CPA6: variants seen among roughly 807,000 people sequenced by gnomAD.
CPA6 encodes carboxypeptidase A6, also known as carboxypeptidase B.
CPA6 carries 58 observed loss-of-function variants against 63.3 expected under a neutral mutation model. The observed-to-expected ratio is 0.92, with a 90% CI of 0.74 to 1.14. The LOEUF (loss-of-function observed/expected upper bound fraction) is 1.14. CPA6 is among the 50% of genes most tolerant of loss of function. The pLI is 0.00. For synonymous variants in CPA6, 185 were observed against 179.0 expected, an observed-to-expected ratio of 1.03 and a Z score of -0.27; for missense variants, 565 against 526.6, an observed-to-expected ratio of 1.07 and a Z score of -0.71.
chr8:67,707,071 A>T (rs1817152163), intron 1 of CPA6, among the ~76,000 whole-genome samples: 1 of 152,188 alleles, frequency 6.6e-6, no homozygotes, highest in African/African-American at 2.4e-5. Context: ...TGGCTTGCTT[A>T]AGACTTTTTG....
intron 2 of CPA6, among the ~76,000 whole-genome samples, chr8:67,552,497 G>A (rs1812961305): frequency 6.6e-6 from 1 of 152,134 alleles, no homozygotes. Flanking sequence ...ATGATGGCCG[G>A]GCACGGTGGC....
At chr8:67,645,195 C>T (rs1467923951) in intron 1 of CPA6, among the ~76,000 whole-genome samples, 3 of 152,150 alleles carry the variant, frequency 2.0e-5, no homozygotes, top group Non-Finnish European at 4.4e-5. Context: ...TATATCACAT[C>T]AGATCGTAAG....
chr8:67,510,315 G>T (rs1203967611), intron 4 of CPA6, among the ~76,000 whole-genome samples: 2 of 152,040 alleles, frequency 1.3e-5, no homozygotes, highest in African/African-American at 4.8e-5. Context: ...GGTATAAAAG[G>T]ATCAGTGCTG....
chr8:67,543,976 TAG>T (rs1364229842), intron 2 of CPA6, among the ~76,000 whole-genome samples: 1 of 151,944 alleles, frequency 6.6e-6, no homozygotes, highest in Non-Finnish European at 1.5e-5. Context: ...CTTGTAGAGA[TAG>T]AGTCTTTCTC....
chr8:67,552,789 AAAAAAAAAAAAAG>A (rs1563997422), intron 2 of CPA6, among the ~76,000 whole-genome samples: 1 of 149,648 alleles, frequency 6.7e-6, no homozygotes, highest in Admixed American at 6.6e-5. Flanking sequence ...AAAAAAAAAA[AAAAAAAAAAAAAG>A]AAAAGAAAAG....
chr8:67,527,185 G>T (rs1812381254), intron 2 of CPA6, among the ~76,000 whole-genome samples: 1 of 152,186 alleles, frequency 6.6e-6, no homozygotes, highest in Non-Finnish European at 1.5e-5. Flanking sequence ...ACCTCTCCAT[G>T]ATATTTGATC....
chr8:67,643,701 A>G, intron 1 of CPA6, among the ~76,000 whole-genome samples: 1 of 152,228 alleles, frequency 6.6e-6, no homozygotes, highest in South Asian at 2.1e-4. Context: ...AGTGGTGGAC[A>G]TATAGGTGTT....
At chr8:67,455,405 TA>T (rs909816441) in intron 8 of CPA6, among the ~76,000 whole-genome samples, 46 of 151,360 alleles carry the variant, frequency 3.0e-4, no homozygotes, top group African/African-American at 1.0e-3. Context: ...ATTACTTAAC[TA>T]AAAAAAATGG....
At chr8:67,436,519 G>T (rs999969771) in intron 8 of CPA6, among the ~76,000 whole-genome samples, 1 of 151,942 alleles carries the variant, frequency 6.6e-6, no homozygotes, top group Non-Finnish European at 1.5e-5. Flanking sequence ...GAACATAAAG[G>T]CAGGCCAGAA....
At chr8:67,548,869 G>A (rs1471398275) in intron 2 of CPA6, among the ~76,000 whole-genome samples, 1 of 152,176 alleles carries the variant, frequency 6.6e-6, no homozygotes, top group Non-Finnish European at 1.5e-5. Context: ...CAGTTCCAGA[G>A]ATTAGTCGAG....
At chr8:67,459,053 AG>A (rs1322295075) in intron 8 of CPA6, among the ~76,000 whole-genome samples, 2 of 152,250 alleles carry the variant, frequency 1.3e-5, no homozygotes, top group Non-Finnish European at 2.9e-5. Context: ...ATTTATTTAA[AG>A]GAGTTGAAAA....
At chr8:67,495,111 A>G (rs1811681967) in intron 6 of CPA6, among the ~76,000 whole-genome samples, 1 of 152,102 alleles carries the variant, frequency 6.6e-6, no homozygotes, top group South Asian at 2.1e-4. Context: ...TTGCTGAATA[A>G]ATTAATCATT....
chr8:67,636,091 G>A (rs1815462929), intron 1 of CPA6, among the ~76,000 whole-genome samples: 1 of 151,516 alleles, frequency 6.6e-6, no homozygotes, highest in Non-Finnish European at 1.5e-5. Context: ...TTGGTTTGGG[G>A]GTAGATGTGT....
At chr8:67,468,019 C>T (rs1810968627) in intron 8 of CPA6, among the ~76,000 whole-genome samples, 2 of 151,370 alleles carry the variant, frequency 1.3e-5, no homozygotes, top group Admixed American at 6.6e-5. Flanking sequence ...GATCATGCCA[C>T]TGCACTCCAG....
At chr8:67,518,893 T>C (rs910477729) in intron 2 of CPA6, among the ~76,000 whole-genome samples, 5 of 152,150 alleles carry the variant, frequency 3.3e-5, no homozygotes, top group Non-Finnish European at 7.4e-5. Context: ...CTTGTCAATA[T>C]AAACATCCCT....
At chr8:67,557,595 C>T (rs1050340388) in intron 2 of CPA6, among the ~76,000 whole-genome samples, 3 of 152,144 alleles carry the variant, frequency 2.0e-5, no homozygotes, top group Non-Finnish European at 4.4e-5. Flanking sequence ...TCCCCAACCC[C>T]CTATTTTCAG....
intron 2 of CPA6, among the ~76,000 whole-genome samples, chr8:67,543,419 T>C (rs1587541332): frequency 6.6e-6 from 1 of 152,236 alleles, no homozygotes; most frequent in Non-Finnish European, 1.5e-5. Context: ...TAATTCTTTT[T>C]AATATAGCTT....
At chr8:67,690,606 G>A (rs1207155646) in intron 1 of CPA6, among the ~76,000 whole-genome samples, 1 of 152,052 alleles carries the variant, frequency 6.6e-6, no homozygotes, top group Non-Finnish European at 1.5e-5. Flanking sequence ...ACTCTGAAAA[G>A]CAATATAAAC....
At chr8:67,483,623 T>G in intron 8 of CPA6, 145 bp downstream of exon 8, 3 of 743,452 alleles carry the variant, frequency 4.0e-6, no homozygotes, top group Admixed American at 1.9e-5. Context: ...ATTACAGCTA[T>G]CATGTACGTA....
Sources: gnomAD v4.1 joint callset for allele counts (sites outside exome capture counted in the v4.1 genomes callset) on GRCh38, gnomAD v4.1.1 for gene constraint, MANE v1.5 for transcripts, NCBI Gene and HGNC (gene_info 2026-07-23, HGNC 2026-07-21) for gene names.